EDNRA: variants seen among roughly 807,000 people sequenced by gnomAD.
EDNRA encodes endothelin-1 receptor.
In EDNRA, 11 loss-of-function variants were observed where a neutral mutation model predicts 41.4. The ratio of observed to expected loss-of-function variants is 0.27; its 90% CI spans 0.17 to 0.44. The LOEUF (loss-of-function observed/expected upper bound fraction) is 0.44. EDNRA is among the 20% of genes least tolerant of loss of function. EDNRA has a pLI of 1.00. For synonymous variants in EDNRA, 172 were observed against 183.0 expected (o/e 0.94, Z 0.49); for missense variants, 294 against 531.0 (o/e 0.55, Z 4.39).
chr4:147,489,176 A>G (rs1166679352), intron 2 of EDNRA: 1 of 152,192 alleles, frequency 6.6e-6, no homozygotes, highest in Non-Finnish European at 1.5e-5. Context: ...TTTAATTTGT[A>G]TAAATTTATG....
rs1728969740 is a variant in EDNRA at position 147,486,968 on chromosome 4, G to A, written c.420+867G>A. ...GATTTGATTGGCTCACAGCTCTGTA[G>A]GCTGTACATGCATGGCTCCAGCATC... On this transcript the variant is annotated intron_variant, in intron 2 of 7. Coordinates refer to ENST00000651419, the MANE Select transcript of EDNRA (RefSeq NM_001957.4). The surrounding 1 kb of genome is among the most constrained non-coding windows in gnomAD (Gnocchi z 4.3). Among the ~76,000 whole-genome samples, 1 of 151,968 alleles carries A rather than the reference G, an allele frequency of 6.6e-6. No homozygotes were observed. Among genetic ancestry groups the A allele is most frequent in the African/African-American group, 2.4e-5 (1 of 41,352 alleles).
At chr4:147,499,185 G>A (rs1343656221) in intron 2 of EDNRA, among the ~76,000 whole-genome samples, 1 of 151,990 alleles carries the variant, frequency 6.6e-6, no homozygotes, top group Non-Finnish European at 1.5e-5. Flanking sequence ...CCTCCCAAGT[G>A]GCTGGGACTA....
At chr4:147,542,228 G>A (rs899689853) in intron 7 of EDNRA, among the ~76,000 whole-genome samples, 7 of 152,162 alleles carry the variant, frequency 4.6e-5, no homozygotes, top group South Asian at 2.1e-4. Flanking sequence ...CACCTACAGT[G>A]CCTTCCCTTT....
At chr4:147,535,853 CTT>C (rs113823592) in intron 4 of EDNRA, 22 bp from the exon 5 acceptor site, 999 of 1,223,562 alleles carry the variant, frequency 8.2e-4, no homozygotes, top group South Asian at 1.6e-3. Context: ...CTCCTTTTCT[CTT>C]TTTTTTTTTT....
Position 147,484,382 on chromosome 4 carries a change from A to G in EDNRA, c.-70-1230A>G, listed in dbSNP as rs143425821. 1.2e-3 allele frequency among the ~76,000 whole-genome samples: 177 copies of G among 152,312 alleles called. 1 individual carries two copies. Among genetic ancestry groups the G allele is most frequent in the African/African-American group, 3.7e-3 (155 of 41,562 alleles). ...TCTTTAAAATATTTTACATACAAATAAAGCACAAGAATGAGAGACAGGATG... is the reference window on the plus strand; with the variant it reads ...TCTTTAAAATATTTTACATACAAATGAAGCACAAGAATGAGAGACAGGATG... On this transcript the variant is annotated intron_variant, in intron 1 of 7. Coordinates refer to ENST00000651419, the MANE Select transcript of EDNRA (RefSeq NM_001957.4).
In EDNRA at chr4:147,544,188, C is replaced by T. The variant is rs1731212162; in HGVS notation, c.*1570C>T. The T allele has an allele frequency of 6.6e-6, 1 of 152,620 alleles. No individual in the cohort carries two copies. The highest frequency in any genetic ancestry group is 1.5e-5 in the Non-Finnish European group (1 of 68,024). The allele number at this position is 152,620 out of a possible 1,614,324, so 9.5% of individuals were successfully genotyped here. ...CTAGGTGATTGTTCATCATGACAAC[C>T]TGCCTCAGTCCATTTTAACCTGTAG... On this transcript the variant is annotated 3_prime_UTR_variant, in exon 8 of 8. Coordinates refer to ENST00000651419, the MANE Select transcript of EDNRA (RefSeq NM_001957.4).
At chr4:147,501,351 G>A (rs1729511219) in intron 2 of EDNRA, among the ~76,000 whole-genome samples, 1 of 152,150 alleles carries the variant, frequency 6.6e-6, no homozygotes, top group Non-Finnish European at 1.5e-5. Flanking sequence ...ACTAGTAGGA[G>A]GTACAGTCTC....
intron 2 of EDNRA, chr4:147,495,633 C>G (rs902180771): frequency 3.3e-5 from 5 of 152,212 alleles, no homozygotes; most frequent in African/African-American, 1.2e-4. Flanking sequence ...CTGATTGCCT[C>G]GACACCTCTG....
chr4:147,505,671 CAG>C (rs1476863115), intron 2 of EDNRA, among the ~76,000 whole-genome samples: 1 of 104,420 alleles, frequency 9.6e-6, no homozygotes, highest in Non-Finnish European at 1.8e-5. Flanking sequence ...TTTTTTTAGA[CAG>C]AGTCTCAGTC....
chr4:147,509,926 C>A (rs1729862673), intron 2 of EDNRA, among the ~76,000 whole-genome samples: 1 of 152,092 alleles, frequency 6.6e-6, no homozygotes, highest in Non-Finnish European at 1.5e-5. Context: ...ATCCCAAAAC[C>A]ATCCTGCCCC....
intron 2 of EDNRA, among the ~76,000 whole-genome samples, chr4:147,514,775 A>G (rs1209629797): frequency 1.3e-5 from 2 of 152,104 alleles, no homozygotes; most frequent in African/African-American, 4.8e-5. Context: ...CACCCAGCCC[A>G]AGATTTTTTA....
intron 7 of EDNRA, among the ~76,000 whole-genome samples, chr4:147,541,046 CG>C (rs1200867876): frequency 2.6e-5 from 3 of 113,252 alleles, no homozygotes; most frequent in Non-Finnish European, 4.9e-5. Context: ...CCAGCCTGGG[CG>C]ACAGAGCCAG....
intron 2 of EDNRA, among the ~76,000 whole-genome samples, chr4:147,517,904 T>G (rs1452102677): frequency 6.6e-6 from 1 of 152,188 alleles, no homozygotes; most frequent in Non-Finnish European, 1.5e-5. Flanking sequence ...GATCATTTTC[T>G]TAGCACTTGC....
chr4:147,542,001 G>A lies in EDNRA; in HGVS notation c.1144-477G>A, dbSNP rs193153928. The stretch of plus-strand genomic sequence containing the variant: ...TAGAGAGTCCTGGGTTCTAATTCCA[G>A]TTCTAACTCTCATTATCCTCTCTGG... On this transcript the variant is annotated intron_variant, in intron 7 of 7. Transcript: ENST00000651419. Among the ~76,000 whole-genome samples the A allele has an allele frequency of 9.2e-5, 14 of 152,266 alleles. No individual in the cohort carries two copies. The East Asian group carries it at 1.7e-3, about 19-fold the overall frequency.
chr4:147,505,326 CA>C lies in EDNRA; in HGVS notation c.421-14524del, dbSNP rs1729661392. On this transcript the variant is annotated intron_variant, in intron 2 of 7. Transcript: ENST00000651419. The stretch of plus-strand genomic sequence containing the variant: ...AAGAGAGTTTGGCAGTTTCTTTTTT[CA>C]TTTTTTTTTTTTTTTTTTTTTTTTT... 3.6e-3 allele frequency among the ~76,000 whole-genome samples: 292 copies of C among 81,982 alleles called. 9 individuals carry two copies. The highest frequency in any genetic ancestry group is 0.015 in the African/African-American group (274 of 18,400). The allele number at this position is 81,982 out of a possible 152,430, so 53.8% of individuals were successfully genotyped here.
chr4:147,539,975 A>C, intron 6 of EDNRA, 25 bp downstream of exon 6: 1 of 1,559,012 alleles, frequency 6.4e-7, no homozygotes, highest in Non-Finnish European at 8.6e-7. Context: ...ACTCGCTAGA[A>C]AATTGGAGTT....
At chr4:147,492,628 G>A (rs1351781605) in intron 2 of EDNRA, 2 of 150,648 alleles carry the variant, frequency 1.3e-5, no homozygotes, top group Non-Finnish European at 2.9e-5. Flanking sequence ...AAGTGATTTG[G>A]AATATCAAAA....
At chr4:147,489,008 G>A (rs1729041842) in intron 2 of EDNRA, 1 of 152,196 alleles carries the variant, frequency 6.6e-6, no homozygotes, top group Admixed American at 6.5e-5. Flanking sequence ...AGAATATTCA[G>A]TTAAAGGGAT....
At chr4:147,496,426 C>G (rs1201363350) in intron 2 of EDNRA, among the ~76,000 whole-genome samples, 4 of 152,184 alleles carry the variant, frequency 2.6e-5, no homozygotes, top group Non-Finnish European at 4.4e-5. Flanking sequence ...TATCATTTAA[C>G]AGTCATAATA....
Sources: gnomAD v4.1 joint callset for allele counts (sites outside exome capture counted in the v4.1 genomes callset) on GRCh38, gnomAD v4.1.1 for gene constraint, Gnocchi (gnomAD v3.1) non-coding constraint, MANE v1.5 for transcripts, NCBI Gene and HGNC (gene_info 2026-07-23, HGNC 2026-07-21) for gene names.